The following SASH1 variants were observed in gnomAD, a reference collection of about 807,000 sequenced individuals.
The protein encoded by SASH1 is SAM and SH3 domain containing 1, also known as SAM and SH3 domain-containing protein 1.
SASH1 carries 44 observed loss-of-function variants against 125.2 expected under a neutral mutation model. The ratio of observed to expected loss-of-function variants is 0.35; its 90% CI spans 0.28 to 0.45. SASH1 has a LOEUF of 0.45. Among genes scored for constraint, SASH1 ranks in the 20% least tolerant of loss-of-function variants. The pLI is 1.00. For missense variants in SASH1, 1,426 were observed against 1,614.5 expected (o/e 0.88, Z 2.00); for synonymous variants, 639 against 649.1 (o/e 0.98, Z 0.24).
intron 1 of SASH1, among the ~76,000 whole-genome samples, chr6:148,358,801 T>C (rs935406189): frequency 6.8e-6 from 1 of 146,014 alleles, no homozygotes; most frequent in Non-Finnish European, 1.5e-5. Context: ...AGTGGCGTGA[T>C]CTCGGCTCAC....
At chr6:148,259,081 A>G in the SASH1 span, among the ~76,000 whole-genome samples, 1 of 152,180 alleles carries the variant, frequency 6.6e-6, no homozygotes, top group East Asian at 1.9e-4. Flanking sequence ...TACCTTGGCC[A>G]TGTCTATATT....
intron 10 of SASH1, among the ~76,000 whole-genome samples, chr6:148,522,588 A>G (rs934043639): frequency 2.0e-5 from 3 of 152,224 alleles, no homozygotes; most frequent in African/African-American, 7.2e-5. Context: ...TTTTTGTTTG[A>G]GAGAACAGAC....
At chr6:148,531,750 A>T (rs747545909) in intron 13 of SASH1, 89 bp downstream of exon 13, 2 of 1,121,500 alleles carry the variant, frequency 1.8e-6, no homozygotes. Context: ...TTCAAGGTGA[A>T]TAAGACCAAG....
chr6:148,368,073 A>G (rs182255520), intron 1 of SASH1, among the ~76,000 whole-genome samples: 1 of 152,346 alleles, frequency 6.6e-6, no homozygotes, highest in Admixed American at 6.5e-5. Flanking sequence ...ACTGTTAACT[A>G]ACCCTAAGTT....
chr6:148,267,635 C>T (rs529113108), upstream of SASH1, among the ~76,000 whole-genome samples: 6 of 152,242 alleles, frequency 3.9e-5, no homozygotes, highest in East Asian at 9.6e-4. Flanking sequence ...GTCTAGGCTT[C>T]CCAAAGTGCT....
At chr6:148,509,778 A>G (rs1316074417) in intron 8 of SASH1, among the ~76,000 whole-genome samples, 1 of 152,234 alleles carries the variant, frequency 6.6e-6, no homozygotes, top group African/African-American at 2.4e-5. Flanking sequence ...CGGCACACAA[A>G]TGTTTGTACT....
In SASH1 at chr6:148,456,278, AG is replaced by A. The variant is rs775113439; in HGVS notation, c.387-12266del. Among the ~76,000 whole-genome samples, 100 of 151,888 alleles carry A rather than the reference AG, an allele frequency of 6.6e-4. 1 individual carries two copies. The highest frequency in any genetic ancestry group is 1.2e-3 in the Non-Finnish European group (83 of 67,922). On this transcript the variant is annotated intron_variant, in intron 4 of 19. Coordinates refer to ENST00000367467, the MANE Select transcript of SASH1 (RefSeq NM_015278.5). Reference sequence around the variant, plus strand: ...TTGCACATTTGGTAAAAATACTCAAAGCTGGGGGCCCTCCCTGCCCGTCTCT... The same window carrying A: ...TTGCACATTTGGTAAAAATACTCAAACTGGGGGCCCTCCCTGCCCGTCTCT...
intron 19 of SASH1, among the ~76,000 whole-genome samples, chr6:148,546,884 T>TA (rs576383889): frequency 0.021 from 3,125 of 145,772 alleles, 108 homozygotes; most frequent in African/African-American, 0.072. Context: ...CCCTGTTACT[T>TA]AAAAAAAAAA....
intron 9 of SASH1, among the ~76,000 whole-genome samples, chr6:148,514,659 G>A (rs1028106087): frequency 2.0e-5 from 3 of 150,696 alleles, no homozygotes; most frequent in Non-Finnish European, 4.5e-5. Flanking sequence ...GAAGGGTCCT[G>A]GTGTCAGGCG....
At position 148,466,946 on chromosome 6, in the gene SASH1, C is replaced by A. The variant is rs566676989; in HGVS notation, c.387-1599C>A. Among the ~76,000 whole-genome samples, 3 of 152,242 alleles carry A rather than the reference C, an allele frequency of 2.0e-5. No individual in the cohort carries two copies. The South Asian group carries it at 6.2e-4, about 32-fold the overall frequency. ...GTAGTGAAGATTCAGGTTTAAATCCCCCAAGTGTCTGTGTCTCTTCTGATG... is the reference window on the plus strand; with the variant it reads ...GTAGTGAAGATTCAGGTTTAAATCCACCAAGTGTCTGTGTCTCTTCTGATG... On this transcript the variant is annotated intron_variant, in intron 4 of 19. Coordinates refer to ENST00000367467, the MANE Select transcript of SASH1 (RefSeq NM_015278.5).
intron 2 of SASH1, among the ~76,000 whole-genome samples, chr6:148,434,098 A>G (rs1035492357): frequency 1.0e-5 from 1 of 95,690 alleles, no homozygotes; most frequent in African/African-American, 4.1e-5. Context: ...TTTTTTTGAG[A>G]CGGAGGCTTG....
At position 148,533,423 on chromosome 6, in the gene SASH1, A is replaced by G. The variant is rs1006818873; in HGVS notation, c.1735-348A>G. On this transcript the variant is annotated intron_variant, in intron 14 of 19. Coordinates refer to ENST00000367467, the MANE Select transcript of SASH1 (RefSeq NM_015278.5). This position sits in a 1 kb window ranked among gnomAD's most constrained non-coding sequence, Gnocchi z 6.2. ...AGGACAGGTGGGAAGTGCCTCCTCT[A>G]AGAAGTGGGAGCCCTCTGAGGAGGG... Among the ~76,000 whole-genome samples, 1 of 152,108 alleles carries G rather than the reference A, an allele frequency of 6.6e-6. No individual in the cohort carries two copies. Among genetic ancestry groups the G allele is most frequent in the Non-Finnish European group, 1.5e-5 (1 of 68,008 alleles).
At position 148,507,041 on chromosome 6, in the gene SASH1, G is replaced by A. The variant is rs529997776; in HGVS notation, c.730-7283G>A. Among the ~76,000 whole-genome samples the A allele has an allele frequency of 3.7e-4, 57 of 152,324 alleles. 1 individual carries two copies. Among genetic ancestry groups the A allele is most frequent in the African/African-American group, 1.2e-3 (51 of 41,572 alleles). On this transcript the variant is annotated intron_variant, in intron 8 of 19. Coordinates refer to ENST00000367467, the MANE Select transcript of SASH1 (RefSeq NM_015278.5). ...ACCTGGTCCGTCAGATGGTGGCAGG[G>A]GAAGGGGAGTTTGTGGGAGAATCAG... is the stretch of plus-strand genomic sequence containing the variant.
chr6:148,303,050 A>T (rs960044280), intron 1 of SASH1, among the ~76,000 whole-genome samples: 1 of 152,004 alleles, frequency 6.6e-6, no homozygotes, highest in African/African-American at 2.4e-5. Context: ...GCGCGATCTC[A>T]GCTCACTGCA....
the SASH1 span, among the ~76,000 whole-genome samples, chr6:148,265,020 A>T: frequency 6.6e-6 from 1 of 152,250 alleles, no homozygotes; most frequent in Non-Finnish European, 1.5e-5. Flanking sequence ...ATAATGCATT[A>T]TAAATTTAAG....
At chr6:148,353,213 G>A (rs1156634145) in intron 1 of SASH1, among the ~76,000 whole-genome samples, 1 of 151,448 alleles carries the variant, frequency 6.6e-6, no homozygotes, top group Non-Finnish European at 1.5e-5. Flanking sequence ...GACTATAGGC[G>A]TGCATTACCA....
In SASH1 at chr6:148,548,923, G is replaced by A; in HGVS notation, c.*365G>A. 5.2e-6 allele frequency: 1 copy of A among 191,144 alleles called. No homozygotes were observed. The highest frequency in any genetic ancestry group is 1.1e-5 in the Non-Finnish European group (1 of 92,674). 11.8% of individuals were successfully genotyped at this position (191,144 alleles called of 1,614,324 possible). A position where few individuals can be genotyped will look rare whatever the true frequency, so the allele number is the denominator to read the frequency against. On this transcript the variant is annotated 3_prime_UTR_variant, in exon 20 of 20. Transcript: ENST00000367467. ...GGCAGCCTGTTCCATTTCTGATAGT[G>A]CCCTTGCTCTTCTGTCTGTCATCTT...
intron 2 of SASH1, among the ~76,000 whole-genome samples, chr6:148,411,834 G>A (rs188433219): frequency 6.2e-4 from 94 of 152,302 alleles, no homozygotes; most frequent in African/African-American, 2.1e-3. Context: ...GTGAGCCACT[G>A]TGCTCAGCCA....
intron 1 of SASH1, among the ~76,000 whole-genome samples, chr6:148,281,695 G>C (rs547445486): frequency 6.6e-6 from 1 of 152,258 alleles, no homozygotes; most frequent in South Asian, 2.1e-4. Flanking sequence ...GGCTGAGGTG[G>C]GTGGATCATG....
Sources: gnomAD v4.1 joint callset for allele counts (sites outside exome capture counted in the v4.1 genomes callset) on GRCh38, gnomAD v4.1.1 for gene constraint, Gnocchi (gnomAD v3.1) non-coding constraint, MANE v1.5 for transcripts, NCBI Gene and HGNC (gene_info 2026-07-23, HGNC 2026-07-21) for gene names.